ACADSB: variants seen among roughly 807,000 people sequenced by gnomAD.
ACADSB encodes acyl-CoA dehydrogenase short/branched chain, also known as short/branched chain specific acyl-CoA dehydrogenase, mitochondrial.
Under a neutral mutation model 54.1 loss-of-function variants are expected in ACADSB, and 40 were observed. That is an observed-to-expected ratio of 0.74 (90% CI 0.57 to 0.96). ACADSB has a LOEUF of 0.96. Ranked by LOEUF, ACADSB falls within the 40% of genes least tolerant of loss-of-function variation. The probability of loss-of-function intolerance (pLI) is 0.00; values close to 1 mark genes in which losing one functional copy is unlikely to be tolerated. For missense variants in ACADSB, 530 were observed against 510.4 expected (o/e 1.04, Z -0.37); for synonymous variants, 182 against 182.8 (o/e 1.00, Z 0.03).
intron 8 of ACADSB, 50 bp from the exon 9 acceptor site, chr10:123,050,999 G>C: frequency 6.3e-7 from 1 of 1,598,110 alleles, no homozygotes; most frequent in Non-Finnish European, 8.5e-7. Context: ...AGGTTGAGGT[G>C]CTTGCTTTTT....
chr10:123,034,392 A>G lies in ACADSB; in HGVS notation c.79A>G (p.Lys27Glu), dbSNP rs1850369405. 1.9e-6 allele frequency: 3 copies of G among 1,613,890 alleles called. No individual in the cohort carries two copies. The highest frequency in any genetic ancestry group is 1.6e-4 in the Middle Eastern group (1 of 6,062). Residue 27 changes from lysine to glutamate, a missense_variant, in exon 2 of 11, where the codon AAG (lysine) becomes GAG (glutamate). Lys to Glu is a moderately conservative substitution (Grantham distance 56). Coordinates refer to ENST00000358776, the MANE Select transcript of ACADSB (RefSeq NM_001609.4). ...TTTCCTGACTTGTTTGTCTTCTTGGAAGATTCCTCCTCATGTCTCAAAATC... is the reference window on the plus strand; with the variant it reads ...TTTCCTGACTTGTTTGTCTTCTTGGGAGATTCCTCCTCATGTCTCAAAATC... ...RNFLTCLSSWKIPPHVSKSSQ... is the reference protein window; with the variant it reads ...RNFLTCLSSWEIPPHVSKSSQ...
In ACADSB at chr10:123,054,314, C is replaced by T. The variant is rs1257475122; in HGVS notation, c.*549C>T. ...GGATTACAGGGATGAGCCACCGTGCCTGGCTGGGTATTTATATTATCATTC... is the reference window on the plus strand; with the variant it reads ...GGATTACAGGGATGAGCCACCGTGCTTGGCTGGGTATTTATATTATCATTC... On this transcript the variant is annotated 3_prime_UTR_variant, in exon 11 of 11. Coordinates refer to ENST00000358776, the MANE Select transcript of ACADSB (RefSeq NM_001609.4). 6.4e-6 allele frequency: 1 copy of T among 155,328 alleles called. No homozygotes were observed. Among genetic ancestry groups the T allele is most frequent in the Non-Finnish European group, 1.4e-5 (1 of 69,844 alleles). The allele number at this position is 155,328 out of a possible 1,614,324, so 9.6% of individuals were successfully genotyped here. A position where few individuals can be genotyped will look rare whatever the true frequency, so the allele number is the denominator to read the frequency against.
intron 8 of ACADSB, among the ~76,000 whole-genome samples, chr10:123,050,093 A>G (rs569827985): frequency 1.3e-5 from 2 of 152,362 alleles, no homozygotes; most frequent in East Asian, 3.9e-4. Context: ...CATATTTCAG[A>G]AAGAGAAAGA....
At chr10:123,034,210 G>A (rs1850365507) in intron 1 of ACADSB, 146 bp from the exon 2 acceptor site, 2 of 781,338 alleles carry the variant, frequency 2.6e-6, no homozygotes, top group East Asian at 2.6e-5. Context: ...ACTAATTTGT[G>A]TTATGTTTAA....
At chr10:123,046,865 C>T (rs1035290943) in intron 7 of ACADSB, among the ~76,000 whole-genome samples, 3 of 152,212 alleles carry the variant, frequency 2.0e-5, no homozygotes, top group Non-Finnish European at 4.4e-5. Context: ...TTCTATGGCT[C>T]ATTTTATACC....
intron 1 of ACADSB, among the ~76,000 whole-genome samples, chr10:123,011,915 G>A (rs1850041531): frequency 6.6e-6 from 1 of 151,684 alleles, no homozygotes; most frequent in African/African-American, 2.4e-5. Context: ...GTAGTGGCGT[G>A]ATCATAGCTC....
At chr10:123,027,597 G>A (rs1203564553) in intron 1 of ACADSB, 1 of 452,394 alleles carries the variant, frequency 2.2e-6, no homozygotes, top group Non-Finnish European at 4.4e-6. Context: ...GGAACTGTAA[G>A]TCCAGTTAAA....
chr10:123,030,062 T>G (rs1275288941), intron 1 of ACADSB, among the ~76,000 whole-genome samples: 1 of 152,168 alleles, frequency 6.6e-6, no homozygotes, highest in East Asian at 1.9e-4. Flanking sequence ...TCTCATAACC[T>G]AATCACCTCT....
At chr10:123,039,196 T>C (rs1275804809) in intron 3 of ACADSB, among the ~76,000 whole-genome samples, 2 of 152,224 alleles carry the variant, frequency 1.3e-5, no homozygotes, top group African/African-American at 4.8e-5. Flanking sequence ...TAATGAGGTT[T>C]CCGGAGTGCC....
chr10:123,045,152 T>C (rs889173104), intron 7 of ACADSB, among the ~76,000 whole-genome samples: 4 of 12,000 alleles, frequency 3.3e-4, no homozygotes, highest in African/African-American at 1.0e-3. Context: ...TATATATATA[T>C]ATATATATAT....
intron 1 of ACADSB, among the ~76,000 whole-genome samples, chr10:123,015,905 G>C (rs1850104085): frequency 6.6e-6 from 1 of 152,132 alleles, no homozygotes; most frequent in African/African-American, 2.4e-5. Flanking sequence ...CCTCAATGAG[G>C]GTGATAGCAC....
intron 5 of ACADSB, among the ~76,000 whole-genome samples, 182 bp from the exon 6 acceptor site, chr10:123,042,864 G>A (rs539632517): frequency 6.6e-6 from 1 of 152,092 alleles, no homozygotes; most frequent in Admixed American, 6.6e-5. Context: ...AAATGGTAAG[G>A]TTCTATAGTT....
At chr10:123,013,545 G>A (rs1850068234) in intron 1 of ACADSB, among the ~76,000 whole-genome samples, 1 of 152,248 alleles carries the variant, frequency 6.6e-6, no homozygotes, top group Non-Finnish European at 1.5e-5. Context: ...GGGTGCAGTG[G>A]AGCAGGGGGT....
At chr10:123,020,831 C>T (rs1406732854) in intron 1 of ACADSB, among the ~76,000 whole-genome samples, 4 of 152,106 alleles carry the variant, frequency 2.6e-5, no homozygotes, top group South Asian at 2.1e-4. Flanking sequence ...GGTGAAACCC[C>T]GTCTCTACTA....
chr10:123,047,445 T>C (rs1463735558), intron 8 of ACADSB, 147 bp downstream of exon 8: 2 of 646,700 alleles, frequency 3.1e-6, no homozygotes, highest in Non-Finnish European at 2.7e-6. Context: ...TCTCAGGGAG[T>C]GTACTTGTGA....
chr10:123,034,024 G>C (rs1850362621), intron 1 of ACADSB, among the ~76,000 whole-genome samples: 2 of 152,124 alleles, frequency 1.3e-5, no homozygotes, highest in African/African-American at 4.8e-5. Flanking sequence ...AGACATCAGT[G>C]GTGCTATAGT....
chr10:123,044,520 C>A, intron 7 of ACADSB, 35 bp downstream of exon 7: 2 of 1,533,346 alleles, frequency 1.3e-6, no homozygotes, highest in South Asian at 2.2e-5. Flanking sequence ...TGATGTGAGT[C>A]AATTAAACTG....
intron 8 of ACADSB, among the ~76,000 whole-genome samples, chr10:123,050,614 A>T (rs1220522935): frequency 2.0e-5 from 3 of 152,196 alleles, no homozygotes; most frequent in African/African-American, 7.2e-5. Context: ...TGTAGCTAAC[A>T]TTTTTTAATG....
At chr10:123,013,835 T>C (rs1382732805) in intron 1 of ACADSB, among the ~76,000 whole-genome samples, 1 of 152,130 alleles carries the variant, frequency 6.6e-6, no homozygotes, top group Non-Finnish European at 1.5e-5. Context: ...CCCGGAACTC[T>C]AGCTGGCCCA....
Sources: gnomAD v4.1 joint callset for allele counts (sites outside exome capture counted in the v4.1 genomes callset) on GRCh38, gnomAD v4.1.1 for gene constraint, MANE v1.5 for transcripts, NCBI Gene and HGNC (gene_info 2026-07-23, HGNC 2026-07-21) for gene names.